Variants in PARM1 observed in about 807,000 individuals in gnomAD.
PARM1 encodes the protein WSC4, cell wall integrity and stress response component 4 homolog.
A neutral mutation model predicts 24.6 loss-of-function variants in PARM1; 14 were observed. The ratio of observed to expected loss-of-function variants is 0.57; its 90% confidence interval spans 0.38 to 0.89. The LOEUF (loss-of-function observed/expected upper bound fraction) is 0.89, where lower values mean the gene tolerates loss of function less well. Among genes scored for constraint, PARM1 ranks in the 40% least tolerant of loss-of-function variants. The pLI, the probability that PARM1 is intolerant of heterozygous loss-of-function variation, is 0.00. For missense variants in PARM1, 362 were observed against 380.4 expected (o/e 0.95, Z 0.40); for synonymous variants, 179 against 156.6 (o/e 1.14, Z -1.07).
At chr4:75,019,919 C>T (rs1308563220) in intron 2 of PARM1, among the ~76,000 whole-genome samples, 2 of 141,402 alleles carry the variant, frequency 1.4e-5, no homozygotes, top group East Asian at 2.3e-4. Flanking sequence ...AGGAGAATGG[C>T]GTGAACCCAG....
At position 75,022,175 on chromosome 4, in the gene PARM1, A is replaced by G. The variant is rs138507990; in HGVS notation, c.769+9025A>G. 3.4e-4 allele frequency among the ~76,000 whole-genome samples: 51 copies of G among 152,216 alleles called. 1 individual carries two copies. The highest frequency in any genetic ancestry group is 1.1e-3 in the African/African-American group (47 of 41,534). On this transcript the variant is annotated intron_variant, in intron 2 of 3. Coordinates refer to ENST00000307428, the MANE Select transcript of PARM1 (RefSeq NM_015393.4). The stretch of plus-strand genomic sequence containing the variant: ...GACTGGTGTGAGATGGTATCTCATC[A>G]TGGTTTTGATTTGCATTTCTCTAAT...
At chr4:74,982,669 A>G (rs1722281211) in intron 1 of PARM1, among the ~76,000 whole-genome samples, 1 of 152,144 alleles carries the variant, frequency 6.6e-6, no homozygotes, top group Non-Finnish European at 1.5e-5. Flanking sequence ...ATGTGAATTT[A>G]CTCCAGGGGC....
intron 1 of PARM1, among the ~76,000 whole-genome samples, chr4:74,934,981 A>G (rs1340393715): frequency 3.7e-5 from 1 of 27,204 alleles, no homozygotes; most frequent in Non-Finnish European, 7.0e-5. Context: ...CCCCCACCCC[A>G]AGAAGCTCTT....
chr4:75,042,322 G>C (rs1723505615), intron 3 of PARM1, among the ~76,000 whole-genome samples: 1 of 152,154 alleles, frequency 6.6e-6, no homozygotes, highest in Admixed American at 6.5e-5. Flanking sequence ...AGAAAACATG[G>C]CTATATTGAA....
Position 75,046,831 on chromosome 4 carries a change from A to C in PARM1, c.*584A>C, listed in dbSNP as rs2109819579. ...TAGCTGCCTAATTAATGAAAGATGAAAATAGGAAGTGCCCTGGAGGGGGCC... is the reference window on the plus strand; with the variant it reads ...TAGCTGCCTAATTAATGAAAGATGACAATAGGAAGTGCCCTGGAGGGGGCC... On this transcript the variant is annotated 3_prime_UTR_variant, in exon 4 of 4. Transcript: ENST00000307428. 6.5e-6 allele frequency: 1 copy of C among 152,802 alleles called. No individual in the cohort carries two copies. Among genetic ancestry groups the C allele is most frequent in the Non-Finnish European group, 1.5e-5 (1 of 68,434 alleles). The allele number at this position is 152,802 out of a possible 1,614,324, so 9.5% of individuals were successfully genotyped here. A position where few individuals can be genotyped will look rare whatever the true frequency, so the allele number is the denominator to read the frequency against.
chr4:75,016,016 T>C (rs761860391), intron 2 of PARM1, among the ~76,000 whole-genome samples: 1 of 152,240 alleles, frequency 6.6e-6, no homozygotes, highest in Non-Finnish European at 1.5e-5. Flanking sequence ...TCACGTAGTA[T>C]GTTTCTATTA....
At chr4:74,985,917 T>C (rs1722347220) in intron 1 of PARM1, among the ~76,000 whole-genome samples, 1 of 152,036 alleles carries the variant, frequency 6.6e-6, no homozygotes, top group Admixed American at 6.6e-5. Context: ...TACAGGTGTG[T>C]GCCACCACGC....
At chr4:74,972,756 C>T (rs925595020) in intron 1 of PARM1, among the ~76,000 whole-genome samples, 3 of 152,150 alleles carry the variant, frequency 2.0e-5, no homozygotes, top group African/African-American at 7.2e-5. Context: ...AACAGATAAG[C>T]CTCTACGTTA....
At chr4:75,035,936 T>G (rs1578059589) in intron 3 of PARM1, among the ~76,000 whole-genome samples, 2 of 152,218 alleles carry the variant, frequency 1.3e-5, no homozygotes, top group East Asian at 1.9e-4. Flanking sequence ...GAATGATACC[T>G]TTTTCCATCT....
At chr4:75,000,924 G>A (rs17000066) in intron 1 of PARM1, among the ~76,000 whole-genome samples, 2,041 of 152,250 alleles carry the variant, frequency 0.013, 59 homozygotes, top group African/African-American at 0.047. Flanking sequence ...TAACCATTGC[G>A]GGTAGCTGTA....
chr4:75,003,905 C>T (rs1236335860), intron 1 of PARM1, among the ~76,000 whole-genome samples: 1 of 152,008 alleles, frequency 6.6e-6, no homozygotes, highest in Non-Finnish European at 1.5e-5. Flanking sequence ...CTCTTAAATA[C>T]CTGCTGAAAT....
At chr4:74,934,993 TTTC>T (rs1366649268) in intron 1 of PARM1, among the ~76,000 whole-genome samples, 86 of 11,280 alleles carry the variant, frequency 7.6e-3, no homozygotes, top group Non-Finnish European at 6.4e-3. Context: ...GAAGCTCTTT[TTTC>T]TTTTTTTTTT....
intron 1 of PARM1, among the ~76,000 whole-genome samples, chr4:74,941,797 G>A (rs1248642886): frequency 1.3e-5 from 2 of 152,174 alleles, no homozygotes; most frequent in African/African-American, 4.8e-5. Context: ...GTTAAGGAGG[G>A]CAAAGTGGTC....
intron 1 of PARM1, among the ~76,000 whole-genome samples, chr4:74,981,789 C>T (rs552019304): frequency 4.6e-5 from 7 of 151,102 alleles, no homozygotes; most frequent in Non-Finnish European, 8.8e-5. Flanking sequence ...GCAGAAGAAT[C>T]GCTTGAACCT....
intron 1 of PARM1, among the ~76,000 whole-genome samples, chr4:75,005,577 A>G (rs1722756049): frequency 6.6e-6 from 1 of 152,174 alleles, no homozygotes; most frequent in African/African-American, 2.4e-5. Flanking sequence ...ACTCACCTGC[A>G]TGTCCCAACA....
At chr4:74,964,211 A>T (rs1043775654) in intron 1 of PARM1, among the ~76,000 whole-genome samples, 4 of 152,204 alleles carry the variant, frequency 2.6e-5, no homozygotes, top group African/African-American at 4.8e-5. Context: ...CTCTTCTTTT[A>T]TGGGAAGGAG....
At chr4:75,020,005 G>A (rs1419106796) in intron 2 of PARM1, among the ~76,000 whole-genome samples, 41 of 77,326 alleles carry the variant, frequency 5.3e-4, no homozygotes, top group Middle Eastern at 0.016. Context: ...ACGAGACTCC[G>A]TCTCAAAAAA....
At chr4:74,987,183 C>T (rs113198526) in intron 1 of PARM1, among the ~76,000 whole-genome samples, 8 of 152,180 alleles carry the variant, frequency 5.3e-5, no homozygotes, top group South Asian at 2.1e-4. Flanking sequence ...TTAATTCTAA[C>T]GGACTACCTA....
At position 75,013,002 on chromosome 4, in the gene PARM1, T is replaced by C; in HGVS notation, c.621T>C (p.Thr207=). 6.2e-7 allele frequency: 1 copy of C among 1,613,872 alleles called. No homozygotes were observed. Among genetic ancestry groups the C allele is most frequent in the Non-Finnish European group, 8.5e-7 (1 of 1,179,854 alleles). ...TEESSSDHTP[T]SHATAEPVPQ... Reference sequence around the variant, plus strand: ...AGTCCAGCTCTGACCACACACCCACTTCACATGCCACAGCTGAGCCAGTAC... The same window carrying C: ...AGTCCAGCTCTGACCACACACCCACCTCACATGCCACAGCTGAGCCAGTAC... The change falls in exon 2 of 4, where the codon ACT becomes ACC. Residue 207 remains threonine (T), a synonymous_variant. Coordinates refer to ENST00000307428, the MANE Select transcript of PARM1 (RefSeq NM_015393.4).
Sources: allele counts gnomAD v4.1 joint callset (sites outside exome capture counted in the v4.1 genomes callset), GRCh38; gene constraint gnomAD v4.1.1; transcripts MANE v1.5; gene names NCBI Gene and HGNC (gene_info 2026-07-23, HGNC 2026-07-21).